Variants in FOXN3 observed in about 807,000 individuals in gnomAD.
The protein encoded by FOXN3 is forkhead box protein N3.
Under a neutral mutation model 38.4 loss-of-function variants are expected in FOXN3, and 7 were observed. The ratio of observed to expected loss-of-function variants is 0.18; its 90% confidence interval spans 0.10 to 0.34. The LOEUF is 0.34. Among genes scored for constraint, FOXN3 ranks in the 10% least tolerant of loss-of-function variants. The pLI, the probability that FOXN3 is intolerant of heterozygous loss-of-function variation, is 1.00. For missense variants in FOXN3, 456 were observed against 613.4 expected, an observed-to-expected ratio of 0.74 and a Z score of 2.71; for synonymous variants, 230 against 242.2, an observed-to-expected ratio of 0.95 and a Z score of 0.47.
At chr14:89,259,607 T>C (rs1885734729) in intron 4 of FOXN3, among the ~76,000 whole-genome samples, 1 of 152,244 alleles carries the variant, frequency 6.6e-6, no homozygotes, top group Non-Finnish European at 1.5e-5. Flanking sequence ...ACAGCACTTT[T>C]GTAGGCCATT....
At chr14:89,547,124 G>A (rs1894903348) in intron 1 of FOXN3, among the ~76,000 whole-genome samples, 1 of 152,194 alleles carries the variant, frequency 6.6e-6, no homozygotes, top group East Asian at 1.9e-4. Flanking sequence ...GCTGGGCAAG[G>A]TGGCTCACGC....
At chr14:89,272,949 G>A (rs1001221551) in intron 4 of FOXN3, among the ~76,000 whole-genome samples, 8 of 152,186 alleles carry the variant, frequency 5.3e-5, no homozygotes, top group African/African-American at 1.7e-4. Flanking sequence ...ATTTTTTGCT[G>A]AAATTGGCCT....
In FOXN3 at chr14:89,162,614, C is replaced by T. The variant is rs201592275; in HGVS notation, c.1207G>A (p.Ala403Thr). 2.5e-5 allele frequency: 40 copies of T among 1,613,750 alleles called. No individual in the cohort carries two copies. The highest frequency in any genetic ancestry group is 1.1e-4 in the East Asian group (5 of 44,832). Residue 403 changes from alanine to threonine, a missense_variant, in exon 6 of 6, where the codon GCC becomes ACC. Ala to Thr is a moderately conservative substitution (Grantham distance 58). Transcript: ENST00000557258. This position sits in a 1 kb window ranked among gnomAD's most constrained non-coding sequence, Gnocchi z 7.2. ...ASQHKKRQHFAKARKVPSDTL... is the reference protein window; with the variant it reads ...ASQHKKRQHFTKARKVPSDTL... ...TCGCTGGGGACCTTCCTGGCCTTGG[C>T]GAAGTGCTGGCGCTTCTTGTGCTGG...
intron 3 of FOXN3, among the ~76,000 whole-genome samples, chr14:89,325,314 GACCACCACCACCACCACCACC>G (rs774094314): frequency 5.7e-4 from 58 of 101,814 alleles, no homozygotes; most frequent in Middle Eastern, 0.01. Context: ...CCACCACCAC[GACCACCACCACCACCACCACC>G]ACCACCACCA....
At chr14:89,518,053 G>C (rs1470078397) in intron 1 of FOXN3, among the ~76,000 whole-genome samples, 2 of 152,146 alleles carry the variant, frequency 1.3e-5, no homozygotes. Context: ...GCATCTTCTG[G>C]TCATTGACAA....
chr14:89,377,186 G>GA (rs1201186061), intron 2 of FOXN3, among the ~76,000 whole-genome samples: 2 of 151,396 alleles, frequency 1.3e-5, no homozygotes, highest in Non-Finnish European at 2.9e-5. Flanking sequence ...GACTGTCTCA[G>GA]AAAAAAGAAA....
chr14:89,197,292 A>G (rs1002186870), intron 4 of FOXN3, among the ~76,000 whole-genome samples: 1 of 152,136 alleles, frequency 6.6e-6, no homozygotes, highest in Admixed American at 6.5e-5. Context: ...AGATTGATTG[A>G]GGTCAGGAGT....
intron 4 of FOXN3, among the ~76,000 whole-genome samples, chr14:89,238,685 T>C (rs187630133): frequency 6.6e-6 from 1 of 152,334 alleles, no homozygotes; most frequent in East Asian, 1.9e-4. Flanking sequence ...ACATATTGGA[T>C]ACTCAAAAAA....
intron 1 of FOXN3, among the ~76,000 whole-genome samples, chr14:89,582,612 C>T (rs1161611941): frequency 1.3e-5 from 2 of 151,844 alleles, no homozygotes; most frequent in Non-Finnish European, 2.9e-5. Flanking sequence ...GCCTCAGCCT[C>T]CCGAGTAGCA....
chr14:89,436,130 C>T (rs1010990556), intron 1 of FOXN3, among the ~76,000 whole-genome samples: 15 of 151,584 alleles, frequency 9.9e-5, no homozygotes, highest in Admixed American at 6.6e-5. Context: ...AGTGTGCCAC[C>T]GCGCCCGGCC....
At chr14:89,538,710 G>T (rs1894736757) in intron 1 of FOXN3, among the ~76,000 whole-genome samples, 1 of 151,512 alleles carries the variant, frequency 6.6e-6, no homozygotes, top group South Asian at 2.1e-4. Context: ...TAGAGACGGG[G>T]TTTCTCCATG....
rs146776590 is a variant in FOXN3, at chr14:89,432,367, T to C, written c.-14-19877A>G. On this transcript the variant is annotated intron_variant, in intron 1 of 6. Transcript: ENST00000345097. ...TTTGCCTTGAGGACATTCAAGGCGCTTGAACAACAGGAGTCAAAACAATGA... is the reference window on the plus strand; with the variant it reads ...TTTGCCTTGAGGACATTCAAGGCGCCTGAACAACAGGAGTCAAAACAATGA... 3.9e-5 allele frequency among the ~76,000 whole-genome samples: 6 copies of C among 152,300 alleles called. No individual in the cohort carries two copies. In the East Asian group the frequency reaches 1.2e-3, roughly 29 times the overall value.
chr14:89,331,672 T>C (rs1047038708), intron 3 of FOXN3, among the ~76,000 whole-genome samples: 9 of 152,356 alleles, frequency 5.9e-5, no homozygotes, highest in Admixed American at 2.6e-4. Flanking sequence ...AGCGTATTTT[T>C]GGCCACCATT....
chr14:89,245,248 G>A (rs532449328), intron 4 of FOXN3, among the ~76,000 whole-genome samples: 13 of 152,216 alleles, frequency 8.5e-5, no homozygotes, highest in Non-Finnish European at 1.9e-4. Flanking sequence ...AAGATACGCA[G>A]GTGGGTCATT....
At chr14:89,183,607 A>G (rs1256751160) in intron 4 of FOXN3, among the ~76,000 whole-genome samples, 1 of 152,154 alleles carries the variant, frequency 6.6e-6, no homozygotes, top group Non-Finnish European at 1.5e-5. Flanking sequence ...TCCTGTAGGA[A>G]GTGTCAACTA....
chr14:89,374,290 A>AAAAAAAAAG (rs60304712), intron 2 of FOXN3, among the ~76,000 whole-genome samples: 29 of 126,154 alleles, frequency 2.3e-4, no homozygotes, highest in South Asian at 5.8e-4. Flanking sequence ...AAAAAAAAAA[A>AAAAAAAAAG]GAAGGAAGGA....
intron 3 of FOXN3, chr14:89,291,676 T>C (rs1170582948): frequency 1.9e-5 from 8 of 415,350 alleles, no homozygotes; most frequent in South Asian, 1.2e-4. Flanking sequence ...GTGGCCCTTA[T>C]TGTGTTGTTT....
chr14:89,511,256 T>C (rs369759216), intron 1 of FOXN3, among the ~76,000 whole-genome samples: 5,715 of 22,242 alleles, frequency 0.26, 2,240 homozygotes, highest in Non-Finnish European at 0.44. Context: ...CTTTTCTTTC[T>C]TTCTTTCTTT....
At chr14:89,217,487 G>C (rs1235174319) in intron 4 of FOXN3, among the ~76,000 whole-genome samples, 1 of 152,138 alleles carries the variant, frequency 6.6e-6, no homozygotes, top group Non-Finnish European at 1.5e-5. Context: ...CTAGCTGCTA[G>C]TAAGAAGAGT....
Sources: gnomAD v4.1 joint callset for allele counts (sites outside exome capture counted in the v4.1 genomes callset) on GRCh38, gnomAD v4.1.1 for gene constraint, Gnocchi (gnomAD v3.1) non-coding constraint, MANE v1.5 for transcripts, NCBI Gene and HGNC (gene_info 2026-07-23, HGNC 2026-07-21) for gene names.